DPYD: variants seen among roughly 807,000 people sequenced by gnomAD.
The protein encoded by DPYD is dihydropyrimidine dehydrogenase, also known as dihydropyrimidine dehydrogenase [NADP(+)].
In DPYD, 109 loss-of-function variants were observed where a neutral mutation model predicts 116.2. The observed-to-expected ratio is 0.94, with a 90% confidence interval of 0.80 to 1.10. The LOEUF (loss-of-function observed/expected upper bound fraction) is 1.10, where lower values mean the gene tolerates loss of function less well. Ranked by LOEUF, DPYD falls within the 50% of genes least tolerant of loss-of-function variation. The pLI, the probability that DPYD is intolerant of heterozygous loss-of-function variation, is 0.00. For missense variants in DPYD, 1,302 were observed against 1,254.5 expected (o/e 1.04, Z -0.57); for synonymous variants, 440 against 432.0 (o/e 1.02, Z -0.23).
In DPYD at chr1:97,298,504, A is replaced by C. The variant is rs541014546; in HGVS notation, c.2299+6755T>G. The stretch of plus-strand genomic sequence containing the variant: ...AACATAGATGAATCCTGATCCATAA[A>C]AGACTCATAAATATAAATCTTAAAT... On this transcript the variant is annotated intron_variant, in intron 18 of 22. Coordinates refer to ENST00000370192, the MANE Select transcript of DPYD (RefSeq NM_000110.4). 6.0e-4 allele frequency among the ~76,000 whole-genome samples: 91 copies of C among 150,756 alleles called. No individual in the cohort carries two copies. In the South Asian group the frequency reaches 0.011, roughly 19 times the overall value.
intron 8 of DPYD, among the ~76,000 whole-genome samples, chr1:97,655,114 T>C (rs1338043535): frequency 1.3e-5 from 2 of 152,110 alleles, no homozygotes; most frequent in Admixed American, 6.6e-5. Flanking sequence ...AGCCAAACCA[T>C]ATCAGCTACC....
intron 2 of DPYD, among the ~76,000 whole-genome samples, chr1:97,873,358 G>A (rs890525180): frequency 2.0e-5 from 3 of 151,786 alleles, no homozygotes; most frequent in African/African-American, 7.3e-5. Flanking sequence ...CTTTAAGGGG[G>A]TTCATTACTC....
chr1:97,675,984 T>C (rs978167474), intron 8 of DPYD, among the ~76,000 whole-genome samples: 4 of 152,014 alleles, frequency 2.6e-5, no homozygotes, highest in Admixed American at 2.0e-4. Context: ...CTTGACCTCA[T>C]GATCCACCCG....
intron 2 of DPYD, among the ~76,000 whole-genome samples, chr1:97,869,448 G>A (rs10875111): frequency 2.0e-5 from 3 of 151,178 alleles, no homozygotes; most frequent in South Asian, 2.1e-4. Flanking sequence ...GAATGTCACC[G>A]CAAAATATGT....
At chr1:97,539,722 C>A (rs1258497265) in intron 12 of DPYD, among the ~76,000 whole-genome samples, 1 of 152,102 alleles carries the variant, frequency 6.6e-6, no homozygotes. Context: ...CATTATTTGA[C>A]AAAATGTTCC....
At chr1:97,211,429 A>G (rs1660023451) in intron 19 of DPYD, among the ~76,000 whole-genome samples, 1 of 152,134 alleles carries the variant, frequency 6.6e-6, no homozygotes, top group African/African-American at 2.4e-5. Flanking sequence ...TTTCTTACTA[A>G]TGTGCCTGGT....
rs563947768 is a variant in DPYD at position 97,164,862 on chromosome 1, C to T, written c.2622+28207G>A. Among the ~76,000 whole-genome samples the T allele has an allele frequency of 1.8e-3, 271 of 148,598 alleles. 3 individuals carry two copies. The highest frequency in any genetic ancestry group is 6.6e-3 in the African/African-American group (261 of 39,480). ...ATGACCAAGTGCCCAAAACAACGTA[C>T]AGATTCTTTTTTTTTTTTTGTATTT... On this transcript the variant is annotated intron_variant, in intron 20 of 22. Coordinates refer to ENST00000370192, the MANE Select transcript of DPYD (RefSeq NM_000110.4).
At chr1:97,722,153 A>G (rs1662960407) in intron 4 of DPYD, among the ~76,000 whole-genome samples, 1 of 151,624 alleles carries the variant, frequency 6.6e-6, no homozygotes, top group African/African-American at 2.4e-5. Flanking sequence ...TTATTTTCTG[A>G]AAAAAGAATG....
At chr1:97,487,192 A>C (rs1678685988) in intron 13 of DPYD, among the ~76,000 whole-genome samples, 1 of 152,176 alleles carries the variant, frequency 6.6e-6, no homozygotes, top group Admixed American at 6.6e-5. Flanking sequence ...ACAATGGAGA[A>C]TTATACACCA....
At chr1:97,920,330 C>A (rs1674444958) in intron 1 of DPYD, among the ~76,000 whole-genome samples, 1 of 152,130 alleles carries the variant, frequency 6.6e-6, no homozygotes, top group African/African-American at 2.4e-5. Flanking sequence ...TTTTCATGTT[C>A]TGAATACTTC....
At chr1:97,346,038 TAA>T (rs1430139799) in intron 16 of DPYD, among the ~76,000 whole-genome samples, 1 of 151,888 alleles carries the variant, frequency 6.6e-6, no homozygotes, top group South Asian at 2.1e-4. Context: ...CCTTTGCTTT[TAA>T]AAGTTTTACC....
chr1:97,301,862 G>A (rs2049112), intron 18 of DPYD, among the ~76,000 whole-genome samples: 35,498 of 151,704 alleles, frequency 0.23, 4,354 homozygotes, highest in Middle Eastern at 0.28. Flanking sequence ...AGTAATCACT[G>A]ATTTGGGGGC....
chr1:97,800,080 G>C (rs1358697957), intron 3 of DPYD, among the ~76,000 whole-genome samples: 2 of 151,796 alleles, frequency 1.3e-5, no homozygotes, highest in African/African-American at 2.4e-5. Flanking sequence ...TTTGTATAAA[G>C]GTAGATGTCT....
Position 97,598,221 on chromosome 1 carries a change from C to A in DPYD, c.851-3055G>T, listed in dbSNP as rs72732360. Among the ~76,000 whole-genome samples the A allele has an allele frequency of 4.6e-3, 700 of 151,986 alleles. 10 individuals are homozygous for A. The highest frequency in any genetic ancestry group is 0.016 in the African/African-American group (655 of 41,460). On this transcript the variant is annotated intron_variant, in intron 8 of 22. Coordinates refer to ENST00000370192, the MANE Select transcript of DPYD (RefSeq NM_000110.4). ...CCACAAAGAAAGAAAAATGAGGCAA[C>A]CTTAAGTGAAATATGAAAGAAAATG...
At chr1:97,545,440 T>A (rs1325106856) in intron 12 of DPYD, among the ~76,000 whole-genome samples, 1 of 152,198 alleles carries the variant, frequency 6.6e-6, no homozygotes, top group Non-Finnish European at 1.5e-5. Flanking sequence ...ACTAACTTAG[T>A]AGGTTTGAAC....
At chr1:97,692,835 T>C (rs1017263304) in intron 6 of DPYD, among the ~76,000 whole-genome samples, 2 of 152,186 alleles carry the variant, frequency 1.3e-5, no homozygotes, top group South Asian at 4.1e-4. Flanking sequence ...TTATATATTA[T>C]AGAGATTAAT....
At chr1:97,350,139 G>A (rs926517521) in intron 16 of DPYD, among the ~76,000 whole-genome samples, 1 of 152,014 alleles carries the variant, frequency 6.6e-6, no homozygotes, top group Admixed American at 6.6e-5. Context: ...TGACAAAGAA[G>A]GAGACCAAAG....
intron 8 of DPYD, among the ~76,000 whole-genome samples, chr1:97,606,916 G>A (rs1655636219): frequency 6.6e-6 from 1 of 151,854 alleles, no homozygotes; most frequent in Admixed American, 6.6e-5. Context: ...TATAAACACA[G>A]CTTACCCTCC....
chr1:97,151,187 TTA>T (rs1232450327), intron 20 of DPYD, among the ~76,000 whole-genome samples: 2 of 152,226 alleles, frequency 1.3e-5, no homozygotes, highest in Admixed American at 1.3e-4. Flanking sequence ...TGTAGAAACA[TTA>T]AAATACTTTA....
Sources: allele counts gnomAD v4.1 joint callset (sites outside exome capture counted in the v4.1 genomes callset), GRCh38; gene constraint gnomAD v4.1.1; transcripts MANE v1.5; gene names NCBI Gene and HGNC (gene_info 2026-07-23, HGNC 2026-07-21).